The following TRMT2B variants were observed in gnomAD, a reference collection of about 807,000 sequenced individuals.
The protein encoded by TRMT2B is tRNA methyltransferase 2B.
A neutral mutation model predicts 39.7 loss-of-function variants in TRMT2B; 34 were observed. The ratio of observed to expected loss-of-function variants is 0.86; its 90% CI spans 0.65 to 1.14. The LOEUF is 1.14. Ranked by LOEUF, TRMT2B falls within the 50% of genes most tolerant of loss-of-function variation. The pLI is 0.00. For synonymous variants in TRMT2B, 132 were observed against 137.3 expected (o/e 0.96, Z 0.27); for missense variants, 318 against 377.2 (o/e 0.84, Z 1.30).
At chrX:100,980,918 G>A in the TRMT2B span, among the ~76,000 whole-genome samples, 1 of 111,432 alleles carries the variant, frequency 9.0e-6, no homozygotes, top group Non-Finnish European at 1.9e-5. Context: ...TGGGGGCTTC[G>A]GGACTCTGCC....
At chrX:100,978,886 T>C in the TRMT2B span, among the ~76,000 whole-genome samples, 2 of 110,951 alleles carry the variant, frequency 1.8e-5, no homozygotes, top group Admixed American at 1.9e-4. Context: ...CCATGGGGCT[T>C]GCAAATAACA....
At chrX:101,029,839 A>G (rs938120679) in intron 7 of TRMT2B, among the ~76,000 whole-genome samples, 1 of 111,701 alleles carries the variant, frequency 9.0e-6, no homozygotes, top group Admixed American at 9.6e-5. Flanking sequence ...GATAAGTCAA[A>G]AGGCTTATCT....
intron 2 of TRMT2B, among the ~76,000 whole-genome samples, chrX:101,045,876 G>T (rs2088628193): frequency 9.2e-6 from 1 of 108,837 alleles, no homozygotes; most frequent in Non-Finnish European, 1.9e-5. Context: ...GCCAGGCGCA[G>T]TGGCTCACAC....
the TRMT2B span, chrX:100,990,428 A>G: frequency 2.1e-6 from 2 of 954,682 alleles, no homozygotes; most frequent in Non-Finnish European, 2.6e-6. Flanking sequence ...AAACAGGTTC[A>G]TCTCCAGAAC....
intron 10 of TRMT2B, 113 bp downstream of exon 10, chrX:101,020,988 C>A: frequency 4.5e-6 from 3 of 661,263 alleles, no homozygotes; most frequent in Non-Finnish European, 7.1e-6. Context: ...GGGTTTTAGA[C>A]CGACAAGGTT....
chrX:101,001,625 TAA>T, the TRMT2B span, among the ~76,000 whole-genome samples: 1 of 109,885 alleles, frequency 9.1e-6, no homozygotes, highest in Non-Finnish European at 1.9e-5. Flanking sequence ...AAGGAAAATG[TAA>T]AGTGACCCTG....
At chrX:101,011,296 G>A (rs1244158360) in intron 13 of TRMT2B, among the ~76,000 whole-genome samples, 3 of 111,897 alleles carry the variant, frequency 2.7e-5, no homozygotes, top group Non-Finnish European at 5.6e-5. Context: ...TGTACAGCAT[G>A]TTACTGTACT....
intron 7 of TRMT2B, among the ~76,000 whole-genome samples, chrX:101,029,176 G>A (rs1439578447): frequency 9.0e-6 from 1 of 110,881 alleles, no homozygotes; most frequent in Non-Finnish European, 1.9e-5. Context: ...CTCATCTTGG[G>A]GTCTTTGCAA....
rs1428056892 is a variant in TRMT2B, at chrX:101,010,373, C to T, written c.*208G>A. ...GTTGCAGTGAGCTGAGATCACGCCA[C>T]GACACTCCAGCCTGGGCAAGAGTGA... On this transcript the variant is annotated 3_prime_UTR_variant, in exon 14 of 14. Transcript: ENST00000372936. 20 of 411,448 alleles carry T rather than the reference C, an allele frequency of 4.9e-5. No individual in the cohort carries two copies. Among genetic ancestry groups the T allele is most frequent in the South Asian group, 9.5e-5 (2 of 20,962 alleles). The allele number at this position is 411,448 out of a possible 1,213,427, so 33.9% of individuals were successfully genotyped here.
chrX:101,035,083 G>A (rs1333184236), intron 7 of TRMT2B, among the ~76,000 whole-genome samples: 1 of 111,448 alleles, frequency 9.0e-6, no homozygotes, highest in African/African-American at 3.3e-5. Flanking sequence ...GGTAGCTCAT[G>A]CCTATAATCC....
At chrX:101,023,408 C>G (rs981870132) in intron 8 of TRMT2B, 62 bp downstream of exon 8, 1 of 1,138,329 alleles carries the variant, frequency 8.8e-7, no homozygotes, top group African/African-American at 1.8e-5. Flanking sequence ...TCCAAAAAAC[C>G]AATTACAGTT....
the TRMT2B span, among the ~76,000 whole-genome samples, chrX:100,996,889 C>T: frequency 2.5e-4 from 28 of 111,796 alleles, no homozygotes; most frequent in South Asian, 0.011. Flanking sequence ...CCAGCCTGGG[C>T]AACAGAGTGA....
At chrX:100,988,681 A>G in the TRMT2B span, 27 of 469,979 alleles carry the variant, frequency 5.7e-5, no homozygotes, top group Non-Finnish European at 6.8e-5. Context: ...GATTAGGAGA[A>G]AAGCACCTTC....
the TRMT2B span, chrX:100,973,792 C>T: frequency 8.8e-7 from 1 of 1,138,137 alleles, no homozygotes; most frequent in Non-Finnish European, 1.2e-6. Context: ...ACTATTTCCT[C>T]CCACAAATCT....
downstream of TRMT2B, among the ~76,000 whole-genome samples, chrX:101,007,371 G>C (rs924968918): frequency 8.0e-5 from 9 of 112,171 alleles, no homozygotes; most frequent in African/African-American, 2.6e-4. Context: ...AGTTGGCTGG[G>C]TGCAGTGGCT....
chrX:101,028,789 A>AT (rs1413557425), intron 7 of TRMT2B, among the ~76,000 whole-genome samples: 1 of 110,988 alleles, frequency 9.0e-6, no homozygotes. Flanking sequence ...GTGGGAGGTG[A>AT]TTGAGTTATG....
At chrX:100,973,435 C>A in the TRMT2B span, among the ~76,000 whole-genome samples, 2 of 106,563 alleles carry the variant, frequency 1.9e-5, no homozygotes, top group Non-Finnish European at 3.9e-5. Context: ...CGGCGCTCGC[C>A]GGCGCGGCGG....
chrX:100,994,927 T>C, the TRMT2B span, among the ~76,000 whole-genome samples: 1 of 111,817 alleles, frequency 8.9e-6, no homozygotes, highest in Non-Finnish European at 1.9e-5. Flanking sequence ...TGAGCCACTG[T>C]GCCCAGCCCC....
At chrX:101,023,803 T>C (rs1289471513) in intron 7 of TRMT2B, among the ~76,000 whole-genome samples, 187 bp from the exon 8 acceptor site, 1 of 111,818 alleles carries the variant, frequency 8.9e-6, no homozygotes, top group Non-Finnish European at 1.9e-5. Context: ...TTACTTAAAA[T>C]GAGGCAGTTA....
Sources: gnomAD v4.1 joint callset for allele counts (sites outside exome capture counted in the v4.1 genomes callset) on GRCh38, gnomAD v4.1.1 for gene constraint, MANE v1.5 for transcripts, NCBI Gene and HGNC (gene_info 2026-07-23, HGNC 2026-07-21) for gene names.